Variants in PDE9A observed in about 807,000 individuals in gnomAD.
PDE9A encodes phosphodiesterase 9A.
A neutral mutation model predicts 87.4 loss-of-function variants in PDE9A; 60 were observed. The ratio of observed to expected loss-of-function variants is 0.69; its 90% CI spans 0.56 to 0.85. The LOEUF (loss-of-function observed/expected upper bound fraction) is 0.85, where lower values mean the gene tolerates loss of function less well. PDE9A is among the 40% of genes least tolerant of loss of function. PDE9A has a pLI of 0.00. For missense variants in PDE9A, 665 were observed against 779.0 expected, an observed-to-expected ratio of 0.85 and a Z score of 1.74; for synonymous variants, 272 against 279.4, an observed-to-expected ratio of 0.97 and a Z score of 0.27.
intron 4 of PDE9A, among the ~76,000 whole-genome samples, chr21:42,706,443 G>A (rs2048840518): frequency 6.6e-6 from 1 of 152,170 alleles, no homozygotes; most frequent in African/African-American, 2.4e-5. Context: ...TCAGGAGTTT[G>A]AGACCAGACT....
chr21:42,668,898 A>ACCCCCCCCCCCCCCCCCCC lies in PDE9A; in HGVS notation c.69+15021_69+15022insCCCCCCCCCCCCCCCCCCC, dbSNP rs375148519. On this transcript the variant is annotated intron_variant, in intron 1 of 19. Coordinates refer to ENST00000291539, the MANE Select transcript of PDE9A (RefSeq NM_002606.3). ...ACGGATTATCAGAGCTGCTCCCTCC[A>ACCCCCCCCCCCCCCCCCCC]CCCCCCGCCACGTCCCACGCGGGCC... is the stretch of plus-strand genomic sequence containing the variant. Among the ~76,000 whole-genome samples the ACCCCCCCCCCCCCCCCCCC allele has an allele frequency of 1.9e-5, 2 of 104,852 alleles. 1 individual carries two copies. The highest frequency in any genetic ancestry group is 9.2e-5 in the African/African-American group (2 of 21,704). 68.8% of individuals were successfully genotyped at this position (104,852 alleles called of 152,430 possible). A position where few individuals can be genotyped will look rare whatever the true frequency, so the allele number is the denominator to read the frequency against.
chr21:42,661,034 AT>A (rs34710059), intron 1 of PDE9A, among the ~76,000 whole-genome samples: 1,474 of 144,470 alleles, frequency 0.01, 7 homozygotes, highest in African/African-American at 0.015. Flanking sequence ...TTCTCTGCCA[AT>A]TTTTTTTTTT....
chr21:42,764,155 C>G (rs528638988), intron 14 of PDE9A, among the ~76,000 whole-genome samples: 1 of 152,216 alleles, frequency 6.6e-6, no homozygotes, highest in Non-Finnish European at 1.5e-5. Context: ...CCGACAGCCG[C>G]ACCTCAGAAC....
chr21:42,768,735 C>A, intron 16 of PDE9A: 1 of 985,436 alleles, frequency 1.0e-6, no homozygotes, highest in Non-Finnish European at 1.2e-6. Context: ...GCTTGATGAA[C>A]CCTAGGAGAA....
chr21:42,706,567 C>A (rs1201053142), intron 4 of PDE9A, among the ~76,000 whole-genome samples: 1 of 151,974 alleles, frequency 6.6e-6, no homozygotes, highest in East Asian at 1.9e-4. Context: ...ATCGCTTGAA[C>A]CTGGGGGTAG....
At chr21:42,665,285 A>G (rs2057891297) in intron 1 of PDE9A, among the ~76,000 whole-genome samples, 1 of 152,222 alleles carries the variant, frequency 6.6e-6, no homozygotes, top group Admixed American at 6.5e-5. Flanking sequence ...GCCAAGAGAG[A>G]TAAACCTCTG....
intron 4 of PDE9A, among the ~76,000 whole-genome samples, chr21:42,730,340 G>A (rs1364115336): frequency 1.3e-5 from 2 of 152,156 alleles, no homozygotes; most frequent in African/African-American, 4.8e-5. Flanking sequence ...GTCATAGAAT[G>A]CTAAAGGCAG....
At chr21:42,752,840 C>G (rs2054578532) in intron 9 of PDE9A, among the ~76,000 whole-genome samples, 1 of 152,210 alleles carries the variant, frequency 6.6e-6, no homozygotes, top group East Asian at 1.9e-4. Flanking sequence ...AGCCTGATGT[C>G]CTCAGAAGCA....
At chr21:42,730,651 A>G (rs1397904781) in intron 4 of PDE9A, among the ~76,000 whole-genome samples, 1 of 152,056 alleles carries the variant, frequency 6.6e-6, no homozygotes, top group Non-Finnish European at 1.5e-5. Context: ...TTTTTTTTGT[A>G]CTTTAACAAC....
At chr21:42,683,581 C>T (rs2059286937) in intron 1 of PDE9A, among the ~76,000 whole-genome samples, 1 of 152,240 alleles carries the variant, frequency 6.6e-6, no homozygotes, top group Non-Finnish European at 1.5e-5. Flanking sequence ...TGCCTGGCCT[C>T]ACGACCTGGC....
Position 42,675,373 on chromosome 21 carries a change from G to T in PDE9A, c.70-10819G>T, listed in dbSNP as rs1473392895. Among the ~76,000 whole-genome samples the T allele has an allele frequency of 6.6e-6, 1 of 152,248 alleles. No individual in the cohort carries two copies. Among genetic ancestry groups the T allele is most frequent in the Admixed American group, 6.5e-5 (1 of 15,292 alleles). On this transcript the variant is annotated intron_variant, in intron 1 of 19. Coordinates refer to ENST00000291539, the MANE Select transcript of PDE9A (RefSeq NM_002606.3). The surrounding 1 kb of genome is among the most constrained non-coding windows in gnomAD (Gnocchi z 4.3). ...CAGTGTGCATCTTTGCTTGCAGCAG[G>T]GCAGCGCAGGGCATTGGTTGGGGTA... is the stretch of plus-strand genomic sequence containing the variant.
chr21:42,762,387 T>G, intron 14 of PDE9A, 148 bp downstream of exon 14: 1 of 777,372 alleles, frequency 1.3e-6, no homozygotes, highest in Non-Finnish European at 2.0e-6. Context: ...CTTCCTCACC[T>G]CCTCCAGGGC....
At chr21:42,663,151 C>A (rs112933921) in intron 1 of PDE9A, among the ~76,000 whole-genome samples, 8,547 of 147,476 alleles carry the variant, frequency 0.058, 669 homozygotes, top group African/African-American at 0.18. Context: ...CATCACACAC[C>A]TGCATATACA....
Position 42,679,210 on chromosome 21 carries a change from C to T in PDE9A, c.70-6982C>T, listed in dbSNP as rs376735179. Among the ~76,000 whole-genome samples, 3 of 152,258 alleles carry T rather than the reference C, an allele frequency of 2.0e-5. No individual in the cohort carries two copies. The East Asian group carries it at 5.8e-4, about 29-fold the overall frequency. On this transcript the variant is annotated intron_variant, in intron 1 of 19. Coordinates refer to ENST00000291539, the MANE Select transcript of PDE9A (RefSeq NM_002606.3). ...TGGCTCAGTAGGTGGAAGAACCTTC[C>T]GGAATGCCTGCCCGCAGGCTGCTGC... is the stretch of plus-strand genomic sequence containing the variant.
intron 15 of PDE9A, among the ~76,000 whole-genome samples, chr21:42,766,895 G>A (rs2056458468): frequency 6.6e-6 from 1 of 152,188 alleles, no homozygotes; most frequent in Admixed American, 6.5e-5. Context: ...GACGGGGAGG[G>A]GCAGGATGCC....
chr21:42,684,460 G>A (rs939181830), intron 1 of PDE9A, among the ~76,000 whole-genome samples: 3 of 152,250 alleles, frequency 2.0e-5, no homozygotes, highest in African/African-American at 4.8e-5. Flanking sequence ...AGCGTGAACT[G>A]TGACTAGGGC....
Position 42,760,926 on chromosome 21 carries a change from CT to C in PDE9A, c.1085+26del. On this transcript the variant is annotated intron_variant, in intron 13 of 19. Transcript: ENST00000291539. The surrounding 1 kb of genome is among the most constrained non-coding windows in gnomAD (Gnocchi z 5.2). ...ACAACACGTATGTACAGGATTTTCT[CT>C]TTTTTTCCTTTTAAAAGGCACCCTG... 2.6e-6 allele frequency: 4 copies of C among 1,557,438 alleles called. No homozygotes were observed. The highest frequency in any genetic ancestry group is 1.1e-5 in the South Asian group (1 of 89,876).
chr21:42,673,481 C>G (rs908242870), intron 1 of PDE9A, among the ~76,000 whole-genome samples: 1 of 152,224 alleles, frequency 6.6e-6, no homozygotes, highest in Admixed American at 6.5e-5. Flanking sequence ...TCTAGTGCGG[C>G]CCTTTGCACA....
intron 1 of PDE9A, among the ~76,000 whole-genome samples, chr21:42,654,114 G>C (rs956757334): frequency 6.6e-6 from 1 of 152,262 alleles, no homozygotes; most frequent in East Asian, 1.9e-4. Flanking sequence ...CCGTTTCACA[G>C]GCAGAGCTTT....
Sources: gnomAD v4.1 joint callset for allele counts (sites outside exome capture counted in the v4.1 genomes callset) on GRCh38, gnomAD v4.1.1 for gene constraint, Gnocchi (gnomAD v3.1) non-coding constraint, MANE v1.5 for transcripts, NCBI Gene and HGNC (gene_info 2026-07-23, HGNC 2026-07-21) for gene names.